Variants in ABCB4 observed in about 807,000 individuals in gnomAD.
The protein encoded by ABCB4 is phosphatidylcholine translocator ABCB4.
ABCB4 carries 76 observed loss-of-function variants against 145.7 expected under a neutral mutation model. That is an observed-to-expected ratio of 0.52 (90% CI 0.43 to 0.63). ABCB4 has a LOEUF of 0.63. ABCB4 is among the 30% of genes least tolerant of loss of function. The probability of loss-of-function intolerance (pLI) is 0.00; values close to 1 mark genes in which losing one functional copy is unlikely to be tolerated. For synonymous variants in ABCB4, 517 were observed against 566.8 expected, an observed-to-expected ratio of 0.91 and a Z score of 1.25; for missense variants, 1,234 against 1,553.1, an observed-to-expected ratio of 0.79 and a Z score of 3.45.
At chr7:87,452,832 T>C (rs1811837706) in intron 6 of ABCB4, 112 bp downstream of exon 6, 21 of 1,225,412 alleles carry the variant, frequency 1.7e-5, no homozygotes, top group Non-Finnish European at 2.3e-5. Context: ...CGATTTCTAA[T>C]ATAGATCAGA....
At chr7:87,463,716 A>G (rs1030152527) in intron 3 of ABCB4, among the ~76,000 whole-genome samples, 1 of 152,166 alleles carries the variant, frequency 6.6e-6, no homozygotes, top group Non-Finnish European at 1.5e-5. Flanking sequence ...AGAGAGATAG[A>G]AGGCCTGCGC....
intron 7 of ABCB4, 92 bp downstream of exon 7, chr7:87,451,531 G>A: frequency 7.3e-7 from 1 of 1,374,760 alleles, no homozygotes; most frequent in South Asian, 1.2e-5. Context: ...ATTTAATGTA[G>A]ACCTGAACAG....
At chr7:87,456,614 T>A (rs1348780337) in intron 4 of ABCB4, among the ~76,000 whole-genome samples, 1 of 152,212 alleles carries the variant, frequency 6.6e-6, no homozygotes, top group African/African-American at 2.4e-5. Flanking sequence ...TGCTGAACCA[T>A]GAGCCAAATA....
At chr7:87,402,550 T>C (rs980154725) in intron 27 of ABCB4, among the ~76,000 whole-genome samples, 5 of 152,230 alleles carry the variant, frequency 3.3e-5, no homozygotes, top group Admixed American at 6.5e-5. Flanking sequence ...AATTTTCTAA[T>C]CTTCTGTTTA....
chr7:87,377,380 C>A, the ABCB4 span: 1 of 1,610,404 alleles, frequency 6.2e-7, no homozygotes, highest in Non-Finnish European at 8.5e-7. Context: ...GGAGATCCAA[C>A]AGTACGCTGG....
At position 87,402,128 on chromosome 7, in the gene ABCB4, C is replaced by A. The variant is rs776326518; in HGVS notation, c.3808G>T (p.Val1270Phe). 3 of 1,613,928 alleles carry A rather than the reference C, an allele frequency of 1.9e-6. No homozygotes were observed. Among genetic ancestry groups the A allele is most frequent in the Non-Finnish European group, 2.5e-6 (3 of 1,180,042 alleles). Residue 1270 changes from valine (V) to phenylalanine (F), a missense_variant, in exon 28 of 28, where the codon GTC (valine) becomes TTC (phenylalanine). Val to Phe is a conservative substitution (Grantham distance 50, BLOSUM62 -1). This residue lies in a region of ABCB4 where 58 missense variants were observed against 75.9 expected (regional missense o/e 0.76). Transcript: ENST00000649586. ...TTCTGTGTCCCAGCCTGGACACTGA[C>A]CATTGAAAAATAGATGCCTTTCTGT... ...LAQKGIYFSM[V>F]SVQAGTQNL
the ABCB4 span, among the ~76,000 whole-genome samples, chr7:87,395,433 A>G: frequency 6.6e-6 from 1 of 152,186 alleles, no homozygotes; most frequent in South Asian, 2.1e-4. Context: ...GCATCCTTCA[A>G]TCAAACCAAG....
chr7:87,365,936 C>T, the ABCB4 span, among the ~76,000 whole-genome samples: 5 of 151,918 alleles, frequency 3.3e-5, no homozygotes, highest in Non-Finnish European at 5.9e-5. Flanking sequence ...TACCTACCCC[C>T]TAGGAGACCA....
At chr7:87,427,366 C>T (rs1370329607) in intron 15 of ABCB4, among the ~76,000 whole-genome samples, 1 of 152,094 alleles carries the variant, frequency 6.6e-6, no homozygotes, top group Non-Finnish European at 1.5e-5. Flanking sequence ...CTGTCTTCCT[C>T]GACTGGCTGA....
intron 3 of ABCB4, among the ~76,000 whole-genome samples, chr7:87,466,045 C>T (rs553311018): frequency 1.2e-4 from 18 of 152,290 alleles, no homozygotes; most frequent in South Asian, 2.1e-4. Flanking sequence ...CAAAGCAGGA[C>T]GGAGAATGAC....
intron 25 of ABCB4, among the ~76,000 whole-genome samples, chr7:87,407,478 C>G (rs1174601769): frequency 6.6e-6 from 1 of 152,050 alleles, no homozygotes; most frequent in Non-Finnish European, 1.5e-5. Context: ...GGGTGCTGTC[C>G]CAAGGTTATG....
Position 87,403,248 on chromosome 7 carries a change from G to A in ABCB4, c.3520C>T (p.Gln1174Ter), listed in dbSNP as rs1807936303. Reference protein sequence around the residue: ...YETRVGDKGTQLSGGQKQRIA... With the variant: ...YETRVGDKGT Reference sequence around the variant, plus strand: ...CTCTGTTTTTGACCTCCTGAGAGCTGAGTCCCCTTATCTCCCACTCTTGTT... The same window carrying A: ...CTCTGTTTTTGACCTCCTGAGAGCTAAGTCCCCTTATCTCCCACTCTTGTT... The change falls in exon 27 of 28, where the codon CAG becomes TAG. Residue 1174 changes from glutamine (Q) to a stop codon, truncating the protein, a stop_gained. Transcript: ENST00000649586. LOFTEE classifies it high-confidence loss of function. 6.2e-7 allele frequency: 1 copy of A among 1,613,856 alleles called. No individual in the cohort carries two copies. Among genetic ancestry groups the A allele is most frequent in the Non-Finnish European group, 8.5e-7 (1 of 1,179,764 alleles).
intron 16 of ABCB4, among the ~76,000 whole-genome samples, chr7:87,424,547 C>T (rs1809678741): frequency 6.6e-6 from 1 of 152,226 alleles, no homozygotes; most frequent in African/African-American, 2.4e-5. Flanking sequence ...CCATTACTAA[C>T]TGGAGAACAT....
the ABCB4 span, among the ~76,000 whole-genome samples, chr7:87,380,160 T>C: frequency 6.6e-6 from 1 of 152,180 alleles, no homozygotes; most frequent in African/African-American, 2.4e-5. Flanking sequence ...AAAATAAAGC[T>C]TATTTTACCC....
At chr7:87,398,255 C>G, downstream of ABCB4, 3 of 605,168 alleles carry the variant, frequency 5.0e-6, no homozygotes. Context: ...GTTTTAAACG[C>G]AGTAAGACCT....
At chr7:87,470,642 G>T (rs1027460834) in intron 3 of ABCB4, among the ~76,000 whole-genome samples, 4 of 152,168 alleles carry the variant, frequency 2.6e-5, no homozygotes, top group Non-Finnish European at 4.4e-5. Flanking sequence ...GGCCATCAGA[G>T]AAATGCAAAT....
chr7:87,391,476 T>A, the ABCB4 span: 1 of 968,732 alleles, frequency 1.0e-6, no homozygotes, highest in Non-Finnish European at 1.5e-6. Context: ...CCAACCTATC[T>A]GTGTTAAAGG....
chr7:87,382,236 A>T, the ABCB4 span: 2 of 1,496,656 alleles, frequency 1.3e-6, no homozygotes, highest in Non-Finnish European at 1.8e-6. Flanking sequence ...TAACAACCAT[A>T]TGTAAAAATT....
In ABCB4 at chr7:87,447,182, G is replaced by A. The variant is rs765478923; in HGVS notation, c.857C>T (p.Ala286Val). The A allele has an allele frequency of 2.0e-5, 32 of 1,613,552 alleles. No homozygotes were observed. Among genetic ancestry groups the A allele is most frequent in the Non-Finnish European group, 2.6e-5 (31 of 1,179,830 alleles). ...AGCTTTTTTAATTCCAATCTCTTTG[G>A]CATTTTCTAAATGTTTCTGATACCT... is the stretch of plus-strand genomic sequence containing the variant. ...LERYQKHLEN[A>V]KEIGIKKAIS... The change falls in exon 9 of 28, where the codon GCC becomes GTC. Residue 286 changes from alanine (A) to valine (V), a missense_variant. Physicochemically the swap from Ala to Val is moderately conservative, Grantham distance 64. Coordinates refer to ENST00000649586, the MANE Select transcript of ABCB4 (RefSeq NM_000443.4).
Sources: allele counts gnomAD v4.1 joint callset (sites outside exome capture counted in the v4.1 genomes callset), GRCh38; gene constraint gnomAD v4.1.1; regional missense constraint gnomAD v4.1.1; transcripts MANE v1.5; gene names NCBI Gene and HGNC (gene_info 2026-07-23, HGNC 2026-07-21).